The following BSN variants were observed in gnomAD, a reference collection of about 807,000 sequenced individuals.
BSN encodes the protein protein bassoon.
In BSN, 57 loss-of-function variants were observed where a neutral mutation model predicts 264.8. The ratio of observed to expected loss-of-function variants is 0.22; its 90% confidence interval spans 0.17 to 0.27. BSN has a LOEUF of 0.27. Among genes scored for constraint, BSN ranks in the 10% least tolerant of loss-of-function variants. BSN has a pLI of 1.00. For synonymous variants in BSN, 2,059 were observed against 2,137.3 expected (o/e 0.96, Z 1.01); for missense variants, 4,615 against 5,232.5 (o/e 0.88, Z 3.64).
At chr3:49,605,772 A>C (rs1575435489) in intron 1 of BSN, among the ~76,000 whole-genome samples, 1 of 80,114 alleles carries the variant, frequency 1.2e-5, no homozygotes, top group Non-Finnish European at 2.1e-5. Context: ...ATATAAAAAT[A>C]TATATAATAT....
At position 49,554,905 on chromosome 3, in the gene BSN, A is replaced by G. The variant is rs1038098335; in HGVS notation, c.224+79A>G. On this transcript the variant is annotated intron_variant, in intron 1 of 11. Coordinates refer to ENST00000296452, the MANE Select transcript of BSN (RefSeq NM_003458.4). ...ACCCGGGCCCAGGATCCCGCGATCTAGTGTGGACAGCGAGGTTCGACGTCC... is the reference window on the plus strand; with the variant it reads ...ACCCGGGCCCAGGATCCCGCGATCTGGTGTGGACAGCGAGGTTCGACGTCC... The G allele has an allele frequency of 1.1e-5, 10 of 875,426 alleles. No homozygotes were observed. In the African/African-American group the frequency reaches 1.6e-4, roughly 14 times the overall value. 54.2% of individuals were successfully genotyped at this position (875,426 alleles called of 1,614,324 possible).
chr3:49,581,229 C>T (rs1193542289), intron 1 of BSN, among the ~76,000 whole-genome samples: 1 of 152,130 alleles, frequency 6.6e-6, no homozygotes, highest in Non-Finnish European at 1.5e-5. Context: ...AAGTGATCTG[C>T]CCACCTCAGC....
chr3:49,668,947 T>TA lies in BSN; in HGVS notation c.*1463dup, dbSNP rs1336131602. The TA allele has an allele frequency of 2.6e-5, 4 of 152,410 alleles. No homozygotes were observed. 9.4% of individuals were successfully genotyped at this position (152,410 alleles called of 1,614,324 possible). A position where few individuals can be genotyped will look rare whatever the true frequency, so the allele number is the denominator to read the frequency against. On this transcript the variant is annotated 3_prime_UTR_variant, in exon 12 of 12. Transcript: ENST00000296452. ...ACATGCAATTGAGAAACTGGATAGA[T>TA]ACACTCATAAAACCCCCACCCCTCC...
rs1290752811 is a variant in BSN, at chr3:49,656,152, A to G, written c.6596A>G (p.Asn2199Ser). 5.0e-6 allele frequency: 8 copies of G among 1,613,106 alleles called. No individual in the cohort carries two copies. Among genetic ancestry groups the G allele is most frequent in the Non-Finnish European group, 6.8e-6 (8 of 1,179,972 alleles). ...GATGGCATGATCTACTCGACTATCA[A>G]TACCCCAATTGCTGCAACACTGCCC... is the stretch of plus-strand genomic sequence containing the variant. ...AADGMIYSTINTPIAATLPIT... is the reference protein window; with the variant it reads ...AADGMIYSTISTPIAATLPIT... Residue 2199 changes from asparagine (N) to serine (S), a missense_variant, in exon 5 of 12, where the codon AAT (asparagine) becomes AGT (serine). By Grantham distance (46) the Asn-to-Ser change is conservative. Around this residue, in one of 3 missense-constraint regions of BSN, gnomAD observed 3,415 missense variants for 3,866.4 expected, o/e 0.88. Coordinates refer to ENST00000296452, the MANE Select transcript of BSN (RefSeq NM_003458.4).
rs1245315960 is a variant in BSN, at chr3:49,663,538, C to A, written c.11380C>A (p.Leu3794Met). 1.9e-6 allele frequency: 3 copies of A among 1,612,212 alleles called. No homozygotes were observed. Among genetic ancestry groups the A allele is most frequent in the Non-Finnish European group, 2.5e-6 (3 of 1,179,754 alleles). The change falls in exon 7 of 12, where the codon CTG becomes ATG. Residue 3794 changes from leucine to methionine, a missense_variant. This residue lies in a region of BSN where 3,415 missense variants were observed against 3,866.4 expected (regional missense o/e 0.88). Coordinates refer to ENST00000296452, the MANE Select transcript of BSN (RefSeq NM_003458.4). The part of the protein sequence containing the change: ...GLGLQPPQQA[L>M]TQARLQQQSQ... Reference sequence around the variant, plus strand: ...TGGGCTGCAGCCCCCACAGCAGGCTCTGACACAGGCTCGGCTGCAGCAACA... The same window carrying A: ...TGGGCTGCAGCCCCCACAGCAGGCTATGACACAGGCTCGGCTGCAGCAACA...
In BSN at chr3:49,663,829, G is replaced by T. The variant is rs2052687532; in HGVS notation, c.11551G>T (p.Ala3851Ser). The change falls in exon 8 of 12, where the codon GCA becomes TCA. Residue 3851 changes from alanine to serine, a missense_variant. Physicochemically the swap from Ala to Ser is moderately conservative, Grantham distance 99. Coordinates refer to ENST00000296452, the MANE Select transcript of BSN (RefSeq NM_003458.4). Reference protein sequence around the residue: ...QTNGSKGTAKAPQQGRAPQAQ... With the variant: ...QTNGSKGTAKSPQQGRAPQAQ... ...AAATGGCTCTAAAGGGACAGCCAAA[G>T]CACCGCAACAGGGGAGGGCTCCTCA... 1 of 1,613,984 alleles carries T rather than the reference G, an allele frequency of 6.2e-7. No individual in the cohort carries two copies. The highest frequency in any genetic ancestry group is 1.7e-5 in the Admixed American group (1 of 60,008).
At chr3:49,631,063 A>G (rs969902623) in intron 2 of BSN, among the ~76,000 whole-genome samples, 5 of 152,058 alleles carry the variant, frequency 3.3e-5, no homozygotes, top group Non-Finnish European at 7.4e-5. Flanking sequence ...TTTCAGTCCT[A>G]TTGATAGCCG....
Position 49,656,849 on chromosome 3 carries a change from A to G in BSN, c.7293A>G (p.Gln2431=), listed in dbSNP as rs1301641756. ...AGCACCATGTGCTGCAGCAGCAGCAAGAGGAACGCCAGGCTCAATTTGCAC... is the reference window on the plus strand; with the variant it reads ...AGCACCATGTGCTGCAGCAGCAGCAGGAGGAACGCCAGGCTCAATTTGCAC... ...TIKHHVLQQQ[Q]EERQAQFALQ... The change falls in exon 5 of 12, where the codon CAA becomes CAG. Residue 2431 remains glutamine, a synonymous_variant. Coordinates refer to ENST00000296452, the MANE Select transcript of BSN (RefSeq NM_003458.4). The G allele has an allele frequency of 6.2e-7, 1 of 1,602,146 alleles. No individual in the cohort carries two copies. Among genetic ancestry groups the G allele is most frequent in the Middle Eastern group, 1.7e-4 (1 of 5,896 alleles).
chr3:49,565,606 T>C (rs1012450229), intron 1 of BSN, among the ~76,000 whole-genome samples: 3 of 151,712 alleles, frequency 2.0e-5, no homozygotes, highest in South Asian at 2.1e-4. Flanking sequence ...AGGCGTGAGC[T>C]ACCGCGCCCG....
At chr3:49,632,482 G>A (rs1362674490) in intron 2 of BSN, among the ~76,000 whole-genome samples, 1 of 152,108 alleles carries the variant, frequency 6.6e-6, no homozygotes, top group African/African-American at 2.4e-5. Context: ...CTCAACAACA[G>A]AAATAAACAA....
Position 49,661,779 on chromosome 3 carries a change from G to T in BSN, c.9934G>T (p.Gly3312Cys). The T allele has an allele frequency of 6.2e-7, 1 of 1,613,372 alleles. No homozygotes were observed. Among genetic ancestry groups the T allele is most frequent in the South Asian group, 1.1e-5 (1 of 91,086 alleles). Residue 3312 changes from glycine (G) to cysteine (C), a missense_variant, in exon 6 of 12, where the codon GGT becomes TGT. By Grantham distance (159) the Gly-to-Cys change is radical. Coordinates refer to ENST00000296452, the MANE Select transcript of BSN (RefSeq NM_003458.4). The stretch of plus-strand genomic sequence containing the variant: ...CCACCTCCGGAGCATGGAGAGCAAT[G>T]GTCGACCAGCCAGTACCCACTACTA... ...GGHLRSMESNGRPASTHYYGD... is the reference protein window; with the variant it reads ...GGHLRSMESNCRPASTHYYGD...
chr3:49,614,679 G>T (rs1227951899), intron 1 of BSN, among the ~76,000 whole-genome samples: 1 of 152,160 alleles, frequency 6.6e-6, no homozygotes, highest in African/African-American at 2.4e-5. Context: ...TTAATTGATG[G>T]TGACAATCTT....
intron 2 of BSN, among the ~76,000 whole-genome samples, chr3:49,631,165 A>G (rs999163539): frequency 2.0e-5 from 3 of 151,656 alleles, no homozygotes; most frequent in Non-Finnish European, 2.9e-5. Context: ...AGGAGGCACC[A>G]CTGCCACCAA....
At chr3:49,599,670 T>C (rs1194536057) in intron 1 of BSN, among the ~76,000 whole-genome samples, 2 of 152,212 alleles carry the variant, frequency 1.3e-5, no homozygotes, top group Non-Finnish European at 2.9e-5. Flanking sequence ...CCAGAGACTT[T>C]AAATGATTGT....
rs144942006 is a variant in BSN at position 49,569,340 on chromosome 3, T to C, written c.224+14514T>C. On this transcript the variant is annotated intron_variant, in intron 1 of 11. Coordinates refer to ENST00000296452, the MANE Select transcript of BSN (RefSeq NM_003458.4). ...GAGGAAATTGAGGCAATACTAGGGT[T>C]CCAAGAGAGTGAATCAAGTGCATTC... 4.4e-3 allele frequency among the ~76,000 whole-genome samples: 665 copies of C among 152,202 alleles called. 5 individuals carry two copies. The highest frequency in any genetic ancestry group is 6.5e-3 in the Non-Finnish European group (445 of 67,996).
chr3:49,556,359 C>G lies in BSN; in HGVS notation c.224+1533C>G, dbSNP rs1264590907. 3.9e-5 allele frequency among the ~76,000 whole-genome samples: 6 copies of G among 152,160 alleles called. No homozygotes were observed. The South Asian group carries it at 6.2e-4, about 16-fold the overall frequency. On this transcript the variant is annotated intron_variant, in intron 1 of 11. Transcript: ENST00000296452. ...AAAGACCTGGGCAGCTCAGAGGGAC[C>G]GGAAGGAGGCTGATGTCTATTGCTC...
chr3:49,655,180 T>G lies in BSN; in HGVS notation c.5624T>G (p.Val1875Gly), dbSNP rs1407880839. The part of the protein sequence containing the change: ...VQMGEGTAGT[V>G]TTLLPEEPAG... The stretch of plus-strand genomic sequence containing the variant: ...ATGGGAGAGGGCACAGCAGGCACTG[T>G]GACCACACTGCTCCCAGAGGAGCCT... The change falls in exon 5 of 12, where the codon GTG (valine) becomes GGG (glycine). Residue 1875 changes from valine to glycine, a missense_variant. By Grantham distance (109) the Val-to-Gly change is moderately radical. This residue lies in a region of BSN where 3,415 missense variants were observed against 3,866.4 expected (regional missense o/e 0.88). Coordinates refer to ENST00000296452, the MANE Select transcript of BSN (RefSeq NM_003458.4). 6.2e-7 allele frequency: 1 copy of G among 1,612,760 alleles called. No individual in the cohort carries two copies. The highest frequency in any genetic ancestry group is 8.5e-7 in the Non-Finnish European group (1 of 1,179,884).
intron 1 of BSN, among the ~76,000 whole-genome samples, chr3:49,573,998 G>A (rs927880557): frequency 1.3e-5 from 2 of 152,092 alleles, no homozygotes; most frequent in Admixed American, 1.3e-4. Context: ...TGCCCAGGCT[G>A]GAGTGCAGTG....
In BSN at chr3:49,663,892, C is replaced by T; in HGVS notation, c.11608+6C>T. 6.2e-7 allele frequency: 1 copy of T among 1,613,342 alleles called. No individual in the cohort carries two copies. Among genetic ancestry groups the T allele is most frequent in the Non-Finnish European group, 8.5e-7 (1 of 1,179,622 alleles). On this transcript the variant is annotated splice_donor_region_variant and intron_variant, in intron 8 of 11. Transcript: ENST00000296452. ...ACCAGGACCTGGACCTGCAGGTGAG[C>T]CTATCCTTTGACACCCTTGGCTGTG...
Sources: allele counts gnomAD v4.1 joint callset (sites outside exome capture counted in the v4.1 genomes callset), GRCh38; gene constraint gnomAD v4.1.1; regional missense constraint gnomAD v4.1.1; transcripts MANE v1.5; gene names NCBI Gene and HGNC (gene_info 2026-07-23, HGNC 2026-07-21).